The following MYSM1 variants were observed in gnomAD, a reference collection of about 807,000 sequenced individuals.
The protein encoded by MYSM1 is Myb like, SWIRM and MPN domains 1, also known as deubiquitinase MYSM1.
A neutral mutation model predicts 116.0 loss-of-function variants in MYSM1; 51 were observed. The ratio of observed to expected loss-of-function variants is 0.44; its 90% CI spans 0.35 to 0.56. The LOEUF is 0.56. Among genes scored for constraint, MYSM1 ranks in the 20% least tolerant of loss-of-function variants. MYSM1 has a pLI of 0.00. For missense variants in MYSM1, 900 were observed against 974.9 expected (o/e 0.92, Z 1.02); for synonymous variants, 313 against 315.2 (o/e 0.99, Z 0.07).
intron 1 of MYSM1, among the ~76,000 whole-genome samples, chr1:58,696,058 A>C (rs1235429781): frequency 6.6e-6 from 1 of 152,228 alleles, no homozygotes; most frequent in Non-Finnish European, 1.5e-5. Context: ...GGCAGTAGTT[A>C]TAATAAATTG....
In MYSM1 at chr1:58,682,256, A is replaced by T. The variant is rs1484450466; in HGVS notation, c.788T>A (p.Ile263Asn). The change falls in exon 8 of 20, where the codon ATT (isoleucine) becomes AAT (asparagine). Residue 263 changes from isoleucine (I) to asparagine (N), a missense_variant. Ile to Asn is a moderately radical substitution (Grantham distance 149). Coordinates refer to ENST00000472487, the MANE Select transcript of MYSM1 (RefSeq NM_001085487.3). ...KMHETNQGEF[I>N]TSDSQEALFS... is the part of the protein sequence containing the mutation. ...GAGAGCTTCCTGGCTGTCAGAAGTA[A>T]TGAATTCTCCTTGATTGGTTTCATG... 1 of 1,611,736 alleles carries T rather than the reference A, an allele frequency of 6.2e-7. No homozygotes were observed. The highest frequency in any genetic ancestry group is 1.3e-5 in the African/African-American group (1 of 74,832).
At position 58,657,322 on chromosome 1, in the gene MYSM1, T is replaced by C. The variant is rs1279642561; in HGVS notation, c.*2675A>G. Reference sequence around the variant, plus strand: ...CAGGATGAAGACACCTGCATGTCTTTAAGTCCTTTAGTCCTTTCTCCACTT... The same window carrying C: ...CAGGATGAAGACACCTGCATGTCTTCAAGTCCTTTAGTCCTTTCTCCACTT... On this transcript the variant is annotated 3_prime_UTR_variant, in exon 20 of 20. Coordinates refer to ENST00000472487, the MANE Select transcript of MYSM1 (RefSeq NM_001085487.3). 6.6e-6 allele frequency: 1 copy of C among 152,210 alleles called. No homozygotes were observed. Among genetic ancestry groups the C allele is most frequent in the African/African-American group, 2.4e-5 (1 of 41,448 alleles). The allele number at this position is 152,210 out of a possible 1,614,324, so 9.4% of individuals were successfully genotyped here. A position where few individuals can be genotyped will look rare whatever the true frequency, so the allele number is the denominator to read the frequency against.
intron 7 of MYSM1, 82 bp downstream of exon 7, chr1:58,685,071 A>T: frequency 8.7e-7 from 1 of 1,152,978 alleles, no homozygotes; most frequent in Non-Finnish European, 1.2e-6. Context: ...GTAAGACTTT[A>T]ATGCCTGAAT....
intron 17 of MYSM1, among the ~76,000 whole-genome samples, chr1:58,664,733 T>C (rs572967304): frequency 3.2e-4 from 48 of 152,276 alleles, no homozygotes; most frequent in Admixed American, 7.2e-4. Flanking sequence ...AAAAAATGGG[T>C]ACAATACAGT....
rs890253583 is a variant in MYSM1, at chr1:58,692,738, A to C, written c.218+123T>G. On this transcript the variant is annotated intron_variant, in intron 3 of 19. Transcript: ENST00000472487. ...TTGCATACATAGGTAACATGAAATT[A>C]TATAATAGCAGTCTGGTGCTGTATA... The C allele has an allele frequency of 1.3e-5, 8 of 611,260 alleles. No homozygotes were observed. In the African/African-American group the frequency reaches 1.5e-4, roughly 12 times the overall value. 37.9% of individuals were successfully genotyped at this position (611,260 alleles called of 1,614,324 possible).
intron 1 of MYSM1, among the ~76,000 whole-genome samples, chr1:58,698,084 CTATATA>C (rs374389099): frequency 9.6e-5 from 3 of 31,412 alleles, no homozygotes; most frequent in African/African-American, 2.5e-4. Flanking sequence ...ATTTATCAGA[CTATATA>C]TATATATATA....
At chr1:58,680,762 G>A (rs1277717417) in intron 8 of MYSM1, among the ~76,000 whole-genome samples, 1 of 152,122 alleles carries the variant, frequency 6.6e-6, no homozygotes, top group African/African-American at 2.4e-5. Flanking sequence ...TCTCTGTAAA[G>A]ATGGCCCTAT....
rs1644353850 is a variant in MYSM1 at position 58,658,958 on chromosome 1, A to AAAACACACACACACAC, written c.*1038_*1039insGTGTGTGTGTGTGTTT. On this transcript the variant is annotated 3_prime_UTR_variant, in exon 20 of 20. Coordinates refer to ENST00000472487, the MANE Select transcript of MYSM1 (RefSeq NM_001085487.3). ...TTTTTATCATTTTAAAGGGCTGTAA[A>AAAACACACACACACAC]ACACACACACACACACACACACACA... is the stretch of plus-strand genomic sequence containing the variant. 1 of 137,878 alleles carries AAAACACACACACACAC rather than the reference A, an allele frequency of 7.3e-6. No homozygotes were observed. The allele number at this position is 137,878 out of a possible 1,614,324, so 8.5% of individuals were successfully genotyped here. A position where few individuals can be genotyped will look rare whatever the true frequency, so the allele number is the denominator to read the frequency against.
At chr1:58,679,633 A>T (rs958198938) in intron 8 of MYSM1, among the ~76,000 whole-genome samples, 4 of 152,244 alleles carry the variant, frequency 2.6e-5, no homozygotes, top group Admixed American at 6.5e-5. Flanking sequence ...TTTTAAAAAA[A>T]TTTTTTGTAG....
Position 58,662,984 on chromosome 1 carries a change from G to A in MYSM1, c.2165-1473C>T, listed in dbSNP as rs535975980. On this transcript the variant is annotated intron_variant, in intron 17 of 19. Coordinates refer to ENST00000472487, the MANE Select transcript of MYSM1 (RefSeq NM_001085487.3). ...ACCACCCACTGAAAACCTATTATTT[G>A]CTAAACACTTTACATATATTACTGA... Among the ~76,000 whole-genome samples, 22 of 152,172 alleles carry A rather than the reference G, an allele frequency of 1.4e-4. No individual in the cohort carries two copies. The East Asian group carries it at 4.1e-3, about 28-fold the overall frequency.
In MYSM1 at chr1:58,681,862, A is replaced by T. The variant is rs996741832; in HGVS notation, c.1182T>A (p.Ile394=). The T allele has an allele frequency of 1.2e-5, 19 of 1,613,168 alleles. No homozygotes were observed. The highest frequency in any genetic ancestry group is 1.6e-5 in the Non-Finnish European group (19 of 1,179,818). ...NIIQEEEKQA[I]PEFFEGRQAK... ...CTTGGCGCCCCTCAAAAAACTCAGG[A>T]ATTGCTTGTTTTTCTTCTTCTTGAA... The change falls in exon 8 of 20, where the codon ATT becomes ATA. Residue 394 remains isoleucine (I), a synonymous_variant. Transcript: ENST00000472487.
At chr1:58,689,200 T>G (rs1569791951) in intron 5 of MYSM1, 84 bp from the exon 6 acceptor site, 2 of 982,216 alleles carry the variant, frequency 2.0e-6, no homozygotes, top group East Asian at 2.5e-5. Context: ...TAGATAGCCA[T>G]GGGCTAAATT....
rs764001424 is a variant in MYSM1, at chr1:58,690,253, C to T, written c.297-4G>A. 1.9e-6 allele frequency: 3 copies of T among 1,574,566 alleles called. No individual in the cohort carries two copies. The highest frequency in any genetic ancestry group is 2.4e-5 in the South Asian group (2 of 81,776). On this transcript the variant is annotated splice_polypyrimidine_tract_variant and splice_region_variant and intron_variant, in intron 4 of 19. Transcript: ENST00000472487. ...GATTTTTGCTGTTTTCTGCAGACTGCATCACATGAAAAAAGAAAATAAGGA... is the reference window on the plus strand; with the variant it reads ...GATTTTTGCTGTTTTCTGCAGACTGTATCACATGAAAAAAGAAAATAAGGA...
chr1:58,688,695 CA>C (rs5774422), intron 6 of MYSM1, among the ~76,000 whole-genome samples: 100,547 of 149,148 alleles, frequency 0.67, 33,637 homozygotes, highest in Admixed American at 0.71. Flanking sequence ...TATTTTATTT[CA>C]AAAAAAAAAA....
At chr1:58,692,634 T>A (rs1644919386) in intron 3 of MYSM1, 1 of 386,048 alleles carries the variant, frequency 2.6e-6, no homozygotes. Context: ...AACAGTTGGC[T>A]AGTGACAGAA....
intron 3 of MYSM1, among the ~76,000 whole-genome samples, chr1:58,690,843 T>C (rs1280824751): frequency 1.3e-5 from 2 of 152,212 alleles, no homozygotes; most frequent in African/African-American, 4.8e-5. Context: ...TAAACTTGGT[T>C]GGTTGTCCAA....
Position 58,659,857 on chromosome 1 carries a change from T to G in MYSM1, c.*140A>C. Reference sequence around the variant, plus strand: ...TTGTATCTCTTCCTTTTCACATGATTTATGTGGCAAAGTTTGGATTTTGTG... The same window carrying G: ...TTGTATCTCTTCCTTTTCACATGATGTATGTGGCAAAGTTTGGATTTTGTG... On this transcript the variant is annotated 3_prime_UTR_variant, in exon 20 of 20. Coordinates refer to ENST00000472487, the MANE Select transcript of MYSM1 (RefSeq NM_001085487.3). 3 of 591,524 alleles carry G rather than the reference T, an allele frequency of 5.1e-6. No homozygotes were observed. The South Asian group carries it at 9.8e-5, about 19-fold the overall frequency. 36.6% of individuals were successfully genotyped at this position (591,524 alleles called of 1,614,324 possible).
intron 9 of MYSM1, among the ~76,000 whole-genome samples, chr1:58,676,496 C>A (rs1440460546): frequency 6.6e-6 from 1 of 151,644 alleles, no homozygotes; most frequent in Admixed American, 6.6e-5. Context: ...AATTGTCTTC[C>A]ACAAAAAATA....
chr1:58,675,687 T>C (rs764282226), intron 9 of MYSM1, 107 bp from the exon 10 acceptor site: 9 of 761,242 alleles, frequency 1.2e-5, no homozygotes, highest in Non-Finnish European at 1.8e-5. Context: ...ATGACTCTTA[T>C]TTCACGATCA....
Sources: allele counts gnomAD v4.1 joint callset (sites outside exome capture counted in the v4.1 genomes callset), GRCh38; gene constraint gnomAD v4.1.1; transcripts MANE v1.5; gene names NCBI Gene and HGNC (gene_info 2026-07-23, HGNC 2026-07-21).